Variants in TMEM117 observed in about 807,000 individuals in gnomAD.
TMEM117 encodes the protein transmembrane protein 117.
In TMEM117, 27 loss-of-function variants were observed where a neutral mutation model predicts 52.4. The observed-to-expected ratio is 0.51, with a 90% CI of 0.38 to 0.71. The LOEUF is 0.71. TMEM117 is among the 30% of genes least tolerant of loss of function. TMEM117 has a pLI of 0.00. For missense variants in TMEM117, 556 were observed against 630.5 expected, an observed-to-expected ratio of 0.88 and a Z score of 1.26; for synonymous variants, 215 against 206.3, an observed-to-expected ratio of 1.04 and a Z score of -0.36.
At chr12:43,877,229 T>C (rs1943813164) in intron 2 of TMEM117, among the ~76,000 whole-genome samples, 1 of 152,236 alleles carries the variant, frequency 6.6e-6, no homozygotes, top group South Asian at 2.1e-4. Flanking sequence ...ACTTGGTATA[T>C]ATTTCCAGGT....
chr12:44,367,626 T>G (rs761927690), intron 6 of TMEM117, among the ~76,000 whole-genome samples: 16 of 152,124 alleles, frequency 1.1e-4, no homozygotes, highest in Non-Finnish European at 2.2e-4. Context: ...ATCAATAGAC[T>G]GGTGAGTCCA....
chr12:44,041,011 A>C (rs928277930), intron 3 of TMEM117, among the ~76,000 whole-genome samples: 4 of 152,250 alleles, frequency 2.6e-5, no homozygotes, highest in Non-Finnish European at 5.9e-5. Context: ...CATGGAAAAA[A>C]GAAATACATG....
chr12:43,971,472 A>G (rs1027213602), intron 3 of TMEM117, among the ~76,000 whole-genome samples: 1 of 152,208 alleles, frequency 6.6e-6, no homozygotes, highest in Non-Finnish European at 1.5e-5. Flanking sequence ...TTTTAGTTCT[A>G]TGAAGAGGAC....
intron 2 of TMEM117, among the ~76,000 whole-genome samples, chr12:43,875,910 C>T (rs950783594): frequency 5.3e-5 from 8 of 152,132 alleles, no homozygotes; most frequent in Admixed American, 3.9e-4. Flanking sequence ...CTGGAAAACC[C>T]GCATTTAGTC....
intron 3 of TMEM117, among the ~76,000 whole-genome samples, chr12:44,018,307 T>C (rs965190023): frequency 1.3e-5 from 2 of 152,240 alleles, no homozygotes; most frequent in Admixed American, 1.3e-4. Flanking sequence ...TTCTCCTTTT[T>C]TATGCTTCAG....
chr12:44,100,269 G>A (rs1348885279), intron 3 of TMEM117, among the ~76,000 whole-genome samples: 2 of 151,894 alleles, frequency 1.3e-5, no homozygotes, highest in African/African-American at 4.8e-5. Context: ...TGTGGGATAA[G>A]GTTGCAAAGT....
At chr12:44,337,420 A>T (rs1565729847) in intron 6 of TMEM117, among the ~76,000 whole-genome samples, 1 of 152,004 alleles carries the variant, frequency 6.6e-6, no homozygotes, top group Non-Finnish European at 1.5e-5. Context: ...ACTAAGTTTC[A>T]ACAAATTAAT....
chr12:44,000,940 A>G (rs1225787329), intron 3 of TMEM117, among the ~76,000 whole-genome samples: 1 of 152,164 alleles, frequency 6.6e-6, no homozygotes, highest in Non-Finnish European at 1.5e-5. Context: ...ACCAGATCCC[A>G]GAGGTCCTCA....
intron 2 of TMEM117, among the ~76,000 whole-genome samples, chr12:43,870,698 C>G (rs989808897): frequency 1.3e-5 from 2 of 152,192 alleles, no homozygotes; most frequent in African/African-American, 2.4e-5. Context: ...TTGCCACACT[C>G]TCTTCCACAA....
chr12:44,079,630 G>A (rs1027651677), intron 3 of TMEM117, among the ~76,000 whole-genome samples: 4 of 152,026 alleles, frequency 2.6e-5, no homozygotes, highest in Non-Finnish European at 5.9e-5. Flanking sequence ...TTTAGATAAG[G>A]CAGATATGAT....
At chr12:44,146,498 A>G (rs868434806) in intron 4 of TMEM117, among the ~76,000 whole-genome samples, 2 of 152,182 alleles carry the variant, frequency 1.3e-5, no homozygotes, top group Non-Finnish European at 2.9e-5. Context: ...TATATGAAAC[A>G]TTGACCTTTC....
chr12:43,985,453 A>G (rs572868229), intron 3 of TMEM117, among the ~76,000 whole-genome samples: 5 of 152,310 alleles, frequency 3.3e-5, no homozygotes, highest in Non-Finnish European at 5.9e-5. Context: ...ATCATTGTAT[A>G]TTTTGATTGT....
intron 3 of TMEM117, among the ~76,000 whole-genome samples, chr12:44,136,913 G>A (rs974241907): frequency 1.1e-4 from 17 of 151,908 alleles, no homozygotes; most frequent in South Asian, 2.1e-4. Flanking sequence ...CACACAATTT[G>A]TCTTTGATGT....
chr12:44,397,908 G>A, the TMEM117 span, among the ~76,000 whole-genome samples: 2,627 of 152,176 alleles, frequency 0.017, 75 homozygotes, highest in African/African-American at 0.059. Context: ...AGGGCAAAAC[G>A]TTAGACAAGA....
Position 44,085,947 on chromosome 12 carries a change from A to G in TMEM117, c.411-57578A>G, listed in dbSNP as rs538827081. On this transcript the variant is annotated intron_variant, in intron 3 of 7. Coordinates refer to ENST00000266534, the MANE Select transcript of TMEM117 (RefSeq NM_032256.3). ...TTTCAGAAAAAAGAGAAGAGGATGAAGAGTATGAGAAAGGAGAGAGAGAGG... is the reference window on the plus strand; with the variant it reads ...TTTCAGAAAAAAGAGAAGAGGATGAGGAGTATGAGAAAGGAGAGAGAGAGG... 7.2e-5 allele frequency among the ~76,000 whole-genome samples: 11 copies of G among 152,270 alleles called. No homozygotes were observed. The South Asian group carries it at 1.0e-3, about 14-fold the overall frequency.
intron 6 of TMEM117, among the ~76,000 whole-genome samples, chr12:44,348,447 C>T (rs1951520043): frequency 1.3e-5 from 2 of 151,914 alleles, no homozygotes; most frequent in Admixed American, 6.6e-5. Flanking sequence ...TTCTTAGGTA[C>T]CAATACCCCC....
Position 44,204,134 on chromosome 12 carries a change from A to C in TMEM117, c.511-7156A>C, listed in dbSNP as rs149220347. Reference sequence around the variant, plus strand: ...GAAATAAATAGGAAGAGAGGAAGCCAAATTCTCTCTCTTCTCAGACAATAT... The same window carrying C: ...GAAATAAATAGGAAGAGAGGAAGCCCAATTCTCTCTCTTCTCAGACAATAT... On this transcript the variant is annotated intron_variant, in intron 4 of 7. Transcript: ENST00000266534. Among the ~76,000 whole-genome samples the C allele has an allele frequency of 2.3e-3, 352 of 152,304 alleles. 12 individuals are homozygous for C. The East Asian group carries it at 0.035, about 15-fold the overall frequency.
intron 6 of TMEM117, among the ~76,000 whole-genome samples, chr12:44,303,983 CT>C (rs1446900460): frequency 1.3e-5 from 2 of 152,142 alleles, no homozygotes; most frequent in African/African-American, 4.8e-5. Context: ...GATCGTCCCC[CT>C]ATAGGAGCAT....
chr12:44,370,765 G>A (rs112105479), intron 6 of TMEM117, among the ~76,000 whole-genome samples: 4,396 of 152,078 alleles, frequency 0.029, 102 homozygotes, highest in African/African-American at 0.06. Flanking sequence ...TGATCCGCCC[G>A]CCTTGGCCTC....
Sources: allele counts gnomAD v4.1 joint callset (sites outside exome capture counted in the v4.1 genomes callset), GRCh38; gene constraint gnomAD v4.1.1; transcripts MANE v1.5; gene names NCBI Gene and HGNC (gene_info 2026-07-23, HGNC 2026-07-21).